Variants in NDUFA10 observed in about 807,000 individuals in gnomAD.
The protein encoded by NDUFA10 is NADH dehydrogenase [ubiquinone] 1 alpha subcomplex subunit 10, mitochondrial.
In NDUFA10, 40 loss-of-function variants were observed where a neutral mutation model predicts 47.8. The ratio of observed to expected loss-of-function variants is 0.84; its 90% CI spans 0.65 to 1.09. The LOEUF (loss-of-function observed/expected upper bound fraction) is 1.09, where lower values mean the gene tolerates loss of function less well. NDUFA10 is among the 50% of genes least tolerant of loss of function. The pLI is 0.00. For synonymous variants in NDUFA10, 183 were observed against 172.2 expected (o/e 1.06, Z -0.49); for missense variants, 413 against 451.1 (o/e 0.92, Z 0.76).
chr2:239,997,791 A>T (rs1452698869), intron 8 of NDUFA10, among the ~76,000 whole-genome samples: 1 of 152,222 alleles, frequency 6.6e-6, no homozygotes, highest in African/African-American at 2.4e-5. Context: ...TGAGAGCTAT[A>T]TACAGTTTCC....
chr2:240,014,962 C>G, intron 4 of NDUFA10, 102 bp from the exon 5 acceptor site: 1 of 1,512,606 alleles, frequency 6.6e-7, no homozygotes, highest in South Asian at 1.2e-5. Context: ...ACGCAATTCT[C>G]AAAGCCACGT....
Position 239,990,083 on chromosome 2 carries a change from C to A in NDUFA10, c.990G>T (p.Gln330His). 1.2e-6 allele frequency: 2 copies of A among 1,606,556 alleles called. No homozygotes were observed. The highest frequency in any genetic ancestry group is 2.2e-5 in the East Asian group (1 of 44,842). The change falls in exon 9 of 10, where the codon CAG becomes CAT. Residue 330 changes from glutamine (Q) to histidine (H), a missense_variant. By Grantham distance (24) the Gln-to-His change is conservative. Transcript: ENST00000252711. ...GAHQTDRVLH[Q>H]FRELPGRKYS... ...ATTTCCACAGTCTTACCTCTCTGAA[C>A]TGATGTAAGACACGGTCAGTCTGAT...
chr2:239,933,570 G>A lies in NDUFA10; in HGVS notation c.295-38256C>T, dbSNP rs77798540. 2.8e-3 allele frequency among the ~76,000 whole-genome samples: 432 copies of A among 152,010 alleles called. 2 individuals carry two copies. Among genetic ancestry groups the A allele is most frequent in the Non-Finnish European group, 4.8e-3 (327 of 67,978 alleles). On this transcript the variant is annotated intron_variant, in intron 4 of 5. Coordinates refer to the NDUFA10 transcript ENST00000419408. ...CTCGCTCTGTCACCCAGGCTGGAGT[G>A]CAGTGGCGGGATCTCTCAGAGCCTC... is the stretch of plus-strand genomic sequence containing the variant.
At chr2:240,006,182 C>T (rs1263950194) in intron 7 of NDUFA10, among the ~76,000 whole-genome samples, 9 of 152,060 alleles carry the variant, frequency 5.9e-5, no homozygotes, top group Admixed American at 5.2e-4. Flanking sequence ...GGAGACAAAA[C>T]GTATTATTCT....
chr2:240,017,737 A>C, intron 4 of NDUFA10: 1 of 1,210,636 alleles, frequency 8.3e-7, no homozygotes. Flanking sequence ...TGCGGGCGGC[A>C]AGCTCACAGG....
chr2:240,018,345 T>A (rs1320262980), intron 4 of NDUFA10: 8 of 1,445,294 alleles, frequency 5.5e-6, no homozygotes, highest in Non-Finnish European at 7.5e-6. Flanking sequence ...CAGGGAGACA[T>A]GACAGCACAA....
intron 4 of NDUFA10, among the ~76,000 whole-genome samples, chr2:239,923,433 A>G (rs1694020811): frequency 6.6e-6 from 1 of 152,228 alleles, no homozygotes; most frequent in African/African-American, 2.4e-5. Flanking sequence ...ATGTTCTCTG[A>G]CCATAAGGAA....
intron 4 of NDUFA10, among the ~76,000 whole-genome samples, chr2:239,899,055 A>G (rs532087154): frequency 0.68 from 7,804 of 11,460 alleles, 2,845 homozygotes; most frequent in Middle Eastern, 0.88. Flanking sequence ...GTGATGGAGG[A>G]GTGTGATGGA....
chr2:239,919,171 C>G (rs1342569168), intron 4 of NDUFA10, among the ~76,000 whole-genome samples: 2 of 152,332 alleles, frequency 1.3e-5, no homozygotes, highest in South Asian at 2.1e-4. Context: ...CCTGCTCCAG[C>G]CACCATGTGG....
At chr2:240,017,972 C>A in intron 4 of NDUFA10, 1 of 1,360,980 alleles carries the variant, frequency 7.3e-7, no homozygotes, top group Non-Finnish European at 1.0e-6. Flanking sequence ...CCAACACAGT[C>A]CTAGTCACAG....
rs1694431965 is a variant in NDUFA10, at chr2:239,945,396, A to C, written c.294+44678T>G. ...TCAGAGCCTCCTTGCTACCCAGACC[A>C]AGCTCCTCACCTCTGAGCGTCGCTC... is the stretch of plus-strand genomic sequence containing the variant. On this transcript the variant is annotated intron_variant, in intron 4 of 5. Coordinates refer to the NDUFA10 transcript ENST00000419408. The surrounding 1 kb of genome is among the most constrained non-coding windows in gnomAD (Gnocchi z 4.6). Among the ~76,000 whole-genome samples, 1 of 152,122 alleles carries C rather than the reference A, an allele frequency of 6.6e-6. No homozygotes were observed. The highest frequency in any genetic ancestry group is 2.1e-4 in the South Asian group (1 of 4,828).
intron 4 of NDUFA10, among the ~76,000 whole-genome samples, chr2:239,927,643 G>T (rs759095378): frequency 2.6e-4 from 39 of 152,282 alleles, no homozygotes; most frequent in Non-Finnish European, 4.7e-4. Flanking sequence ...GTCACATGCC[G>T]CACAATTCCA....
At position 239,959,380 on chromosome 2, in the gene NDUFA10, A is replaced by G. The variant is rs772069337; in HGVS notation, c.*1738T>C. On this transcript the variant is annotated 3_prime_UTR_variant, in exon 10 of 10. Coordinates refer to ENST00000252711, the MANE Select transcript of NDUFA10 (RefSeq NM_004544.4). ...AGGAAACAGCTAGCTCTTTGCAGCC[A>G]AAGACATTAGGAACAGCTAAGATAA... 5 of 985,524 alleles carry G rather than the reference A, an allele frequency of 5.1e-6. No individual in the cohort carries two copies. Among genetic ancestry groups the G allele is most frequent in the Non-Finnish European group, 6.0e-6 (5 of 829,962 alleles). 61.0% of individuals were successfully genotyped at this position (985,524 alleles called of 1,614,324 possible).
chr2:240,021,246 G>T lies in NDUFA10; in HGVS notation c.411C>A (p.Ser137Arg). 6.2e-7 allele frequency: 1 copy of T among 1,614,230 alleles called. No homozygotes were observed. Among genetic ancestry groups the T allele is most frequent in the South Asian group, 1.1e-5 (1 of 91,078 alleles). Reference sequence around the variant, plus strand: ...CATCTGAGTACTGCAGCAGGCGACTGCTGTACAACCAGGACTGCAGGCGGT... The same window carrying T: ...CATCTGAGTACTGCAGCAGGCGACTTCTGTACAACCAGGACTGCAGGCGGT... ...NSYRLQSWLY[S>R]SRLLQYSDAL... Residue 137 changes from serine to arginine, a missense_variant, in exon 3 of 10, where the codon AGC (serine) becomes AGA (arginine). Coordinates refer to ENST00000252711, the MANE Select transcript of NDUFA10 (RefSeq NM_004544.4).
chr2:239,941,724 C>CA (rs370364666), intron 4 of NDUFA10, among the ~76,000 whole-genome samples: 10,962 of 111,834 alleles, frequency 0.098, 460 homozygotes, highest in Middle Eastern at 0.15. Context: ...GACTCTGTCT[C>CA]AAAAAAAAAA....
At chr2:239,944,830 T>C (rs1694417615) in intron 4 of NDUFA10, among the ~76,000 whole-genome samples, 1 of 152,022 alleles carries the variant, frequency 6.6e-6, no homozygotes, top group Non-Finnish European at 1.5e-5. Context: ...CTTGGGGCCA[T>C]AGTAACTTTG....
intron 4 of NDUFA10, among the ~76,000 whole-genome samples, chr2:239,898,243 A>G (rs1693436361): frequency 6.6e-6 from 1 of 152,232 alleles, no homozygotes; most frequent in Non-Finnish European, 1.5e-5. Context: ...AGGAGGTTAT[A>G]AAATGAGAGA....
Position 239,965,520 on chromosome 2 carries a change from G to A in NDUFA10, c.1000-4334C>T, listed in dbSNP as rs533411539. 6.2e-4 allele frequency among the ~76,000 whole-genome samples: 95 copies of A among 152,288 alleles called. No individual in the cohort carries two copies. In the Middle Eastern group the frequency reaches 0.01, roughly 16 times the overall value. Reference sequence around the variant, plus strand: ...TTCCCTCGCAGGGCAGCCTCACTCCGGGAGCCGCAACGGGCCTCGTCAGAC... The same window carrying A: ...TTCCCTCGCAGGGCAGCCTCACTCCAGGAGCCGCAACGGGCCTCGTCAGAC... On this transcript the variant is annotated intron_variant, in intron 9 of 9. Coordinates refer to ENST00000252711, the MANE Select transcript of NDUFA10 (RefSeq NM_004544.4).
rs574644603 is a variant in NDUFA10, at chr2:239,959,940, G to A, written c.*1178C>T. The stretch of plus-strand genomic sequence containing the variant: ...AGCAGCGAGGCCTGGTAGAGCTTCC[G>A]CGGGGAGCAGAGCATCGTCCTCTGC... On this transcript the variant is annotated 3_prime_UTR_variant, in exon 10 of 10. Coordinates refer to ENST00000252711, the MANE Select transcript of NDUFA10 (RefSeq NM_004544.4). 4.8e-5 allele frequency: 47 copies of A among 985,508 alleles called. No individual in the cohort carries two copies. Among genetic ancestry groups the A allele is most frequent in the South Asian group, 2.3e-4 (5 of 21,292 alleles). The allele number at this position is 985,508 out of a possible 1,614,324, so 61.0% of individuals were successfully genotyped here.
Sources: allele counts gnomAD v4.1 joint callset (sites outside exome capture counted in the v4.1 genomes callset), GRCh38; gene constraint gnomAD v4.1.1; non-coding constraint Gnocchi (gnomAD v3.1); transcripts MANE v1.5; gene names NCBI Gene and HGNC (gene_info 2026-07-23, HGNC 2026-07-21).